NETO1: variants seen among roughly 807,000 people sequenced by gnomAD.
NETO1 encodes neuropilin and tolloid-like protein 1.
NETO1 carries 26 observed loss-of-function variants against 61.3 expected under a neutral mutation model. The observed-to-expected ratio is 0.42, with a 90% confidence interval of 0.31 to 0.59. The LOEUF (loss-of-function observed/expected upper bound fraction) is 0.59, where lower values mean the gene tolerates loss of function less well. NETO1 is among the 20% of genes least tolerant of loss of function. The pLI is 0.12. For synonymous variants in NETO1, 225 were observed against 225.8 expected, an observed-to-expected ratio of 1.00 and a Z score of 0.03; for missense variants, 531 against 662.8, an observed-to-expected ratio of 0.80 and a Z score of 2.18.
intron 4 of NETO1, among the ~76,000 whole-genome samples, chr18:72,811,294 A>C (rs1242126762): frequency 6.6e-6 from 1 of 152,062 alleles, no homozygotes; most frequent in Non-Finnish European, 1.5e-5. Context: ...CTCTCATTCT[A>C]CCAATGATTC....
intron 3 of NETO1, among the ~76,000 whole-genome samples, chr18:72,860,941 A>G (rs2145659689): frequency 6.6e-6 from 1 of 152,316 alleles, no homozygotes; most frequent in African/African-American, 2.4e-5. Flanking sequence ...TCAGTATAAC[A>G]AGTTTTATGA....
chr18:72,849,832 C>T (rs1170004227), intron 4 of NETO1, among the ~76,000 whole-genome samples: 1 of 152,120 alleles, frequency 6.6e-6, no homozygotes, highest in Non-Finnish European at 1.5e-5. Flanking sequence ...ACAAGTCATA[C>T]CTGGTCTTTT....
At chr18:72,849,369 A>G (rs2074183683) in intron 4 of NETO1, among the ~76,000 whole-genome samples, 1 of 152,114 alleles carries the variant, frequency 6.6e-6, no homozygotes, top group Non-Finnish European at 1.5e-5. Flanking sequence ...AGCACCTATA[A>G]ACTTCATACT....
At chr18:72,802,420 T>G (rs541182795) in intron 4 of NETO1, among the ~76,000 whole-genome samples, 2 of 152,202 alleles carry the variant, frequency 1.3e-5, no homozygotes, top group African/African-American at 4.8e-5. Context: ...AAGTTTCAGC[T>G]TAGACAAGAA....
intron 6 of NETO1, among the ~76,000 whole-genome samples, chr18:72,788,228 G>C (rs1298366964): frequency 2.6e-5 from 4 of 152,102 alleles, no homozygotes; most frequent in Non-Finnish European, 4.4e-5. Flanking sequence ...GAGAGTAAGT[G>C]AATCACTGCC....
At position 72,785,528 on chromosome 18, in the gene NETO1, T is replaced by A. The variant is rs2071884036; in HGVS notation, c.640-1622A>T. Among the ~76,000 whole-genome samples, 2 of 152,160 alleles carry A rather than the reference T, an allele frequency of 1.3e-5. 1 individual carries two copies. Among genetic ancestry groups the A allele is most frequent in the South Asian group, 4.1e-4 (2 of 4,828 alleles). On this transcript the variant is annotated intron_variant, in intron 6 of 10. Transcript: ENST00000327305. Reference sequence around the variant, plus strand: ...CAAAGTTATATTTCTAAGAAACAAATCTAATAATCACAGTCTTTTTTTCAT... The same window carrying A: ...CAAAGTTATATTTCTAAGAAACAAAACTAATAATCACAGTCTTTTTTTCAT...
chr18:72,834,452 T>C (rs1241225827), intron 4 of NETO1: 7 of 980,122 alleles, frequency 7.1e-6, no homozygotes, highest in Non-Finnish European at 8.5e-6. Flanking sequence ...GAAAAACATA[T>C]CTGGGGCAAA....
chr18:72,847,326 A>G (rs2074118866), intron 4 of NETO1, among the ~76,000 whole-genome samples: 1 of 152,196 alleles, frequency 6.6e-6, no homozygotes, highest in Non-Finnish European at 1.5e-5. Flanking sequence ...AGGTAGCTGG[A>G]AAGGGAAAAT....
chr18:72,767,871 C>T (rs543321152), intron 7 of NETO1, among the ~76,000 whole-genome samples: 10 of 152,236 alleles, frequency 6.6e-5, no homozygotes, highest in African/African-American at 2.4e-4. Context: ...TGTTAACTAC[C>T]CAAGTTTCAG....
intron 4 of NETO1, among the ~76,000 whole-genome samples, chr18:72,836,656 A>T (rs1267498258): frequency 6.6e-6 from 1 of 152,200 alleles, no homozygotes; most frequent in African/African-American, 2.4e-5. Flanking sequence ...ATCGTTTTGC[A>T]TGAATGGAGG....
chr18:72,831,969 T>C (rs1021761897), intron 4 of NETO1, among the ~76,000 whole-genome samples: 2 of 152,170 alleles, frequency 1.3e-5, no homozygotes, highest in African/African-American at 2.4e-5. Flanking sequence ...TATTGTAGCA[T>C]AGTTTGAGTT....
chr18:72,867,009 C>T (rs1445545681), intron 1 of NETO1: 2 of 455,266 alleles, frequency 4.4e-6, no homozygotes, highest in Non-Finnish European at 7.6e-6. Flanking sequence ...CTATCCTCCA[C>T]CCCCGGGGGG....
intron 4 of NETO1, among the ~76,000 whole-genome samples, chr18:72,821,361 G>C (rs944210758): frequency 1.3e-5 from 2 of 150,796 alleles, no homozygotes; most frequent in Non-Finnish European, 2.9e-5. Flanking sequence ...TGACCAACAC[G>C]GAGAAACCCC....
In NETO1 at chr18:72,834,218, C is replaced by T. The variant is rs372422120; in HGVS notation, c.469+24608G>A. ...ATGCATATTAGTGTACTGTAAAATA[C>T]GTATTAATTGCAAAATAAGTTTTAA... On this transcript the variant is annotated intron_variant, in intron 4 of 10. Coordinates refer to ENST00000327305, the MANE Select transcript of NETO1 (RefSeq NM_138966.5). The T allele has an allele frequency of 6.7e-4, 422 of 628,348 alleles. 4 individuals carry two copies. In the South Asian group the frequency reaches 0.023, roughly 34 times the overall value. 38.9% of individuals were successfully genotyped at this position (628,348 alleles called of 1,614,324 possible). A position where few individuals can be genotyped will look rare whatever the true frequency, so the allele number is the denominator to read the frequency against.
chr18:72,844,292 CTT>C (rs1453977516), intron 4 of NETO1, among the ~76,000 whole-genome samples: 1 of 152,152 alleles, frequency 6.6e-6, no homozygotes, highest in Non-Finnish European at 1.5e-5. Flanking sequence ...GCTTCTAACA[CTT>C]TCTTATTGCA....
Position 72,802,686 on chromosome 18 carries a change from A to G in NETO1, c.470-8282T>C, listed in dbSNP as rs1568212088. ...TGATTGACATTTGCATTGATGGTGC[A>G]AAAACAATGGTGGAGAGAATTGCTG... On this transcript the variant is annotated intron_variant, in intron 4 of 10. Coordinates refer to ENST00000327305, the MANE Select transcript of NETO1 (RefSeq NM_138966.5). Among the ~76,000 whole-genome samples, 5 of 152,210 alleles carry G rather than the reference A, an allele frequency of 3.3e-5. No homozygotes were observed. The South Asian group carries it at 1.0e-3, about 31-fold the overall frequency.
chr18:72,796,481 T>A (rs1487998564), intron 4 of NETO1, among the ~76,000 whole-genome samples: 1 of 152,168 alleles, frequency 6.6e-6, no homozygotes, highest in Non-Finnish European at 1.5e-5. Flanking sequence ...TAAAATAGAT[T>A]TTTTTTGTTT....
intron 4 of NETO1, among the ~76,000 whole-genome samples, chr18:72,853,563 G>C (rs1007612131): frequency 2.0e-5 from 3 of 152,008 alleles, no homozygotes; most frequent in Admixed American, 6.6e-5. Flanking sequence ...TTCAAGACTG[G>C]TCTGGCCAAC....
intron 4 of NETO1, among the ~76,000 whole-genome samples, chr18:72,812,843 G>C (rs2072911644): frequency 6.6e-6 from 1 of 152,150 alleles, no homozygotes; most frequent in South Asian, 2.1e-4. Context: ...GGAGTCAACA[G>C]CCCTGTCAGA....
Sources: allele counts gnomAD v4.1 joint callset (sites outside exome capture counted in the v4.1 genomes callset), GRCh38; gene constraint gnomAD v4.1.1; transcripts MANE v1.5; gene names NCBI Gene and HGNC (gene_info 2026-07-23, HGNC 2026-07-21).